Variants in MCPH1 observed in about 807,000 individuals in gnomAD.
The protein encoded by MCPH1 is microcephalin 1.
Under a neutral mutation model 84.5 loss-of-function variants are expected in MCPH1, and 104 were observed. The observed-to-expected ratio is 1.23, with a 90% CI of 1.05 to 1.45. MCPH1 has a LOEUF of 1.45. Among genes scored for constraint, MCPH1 ranks in the 40% most tolerant of loss-of-function variants. The pLI is 0.00. For missense variants in MCPH1, 1,498 were observed against 1,005.7 expected (o/e 1.49, Z -6.62); for synonymous variants, 514 against 366.8 (o/e 1.40, Z -4.58).
chr8:6,428,915 TC>T (rs57793247), intron 3 of MCPH1, among the ~76,000 whole-genome samples: 109,452 of 152,186 alleles, frequency 0.72, 41,621 homozygotes, highest in Non-Finnish European at 0.83. Context: ...CCTCCATATT[TC>T]TAAATACTGT....
At chr8:6,549,320 C>G (rs74937299) in intron 12 of MCPH1, among the ~76,000 whole-genome samples, 6,392 of 152,312 alleles carry the variant, frequency 0.042, 192 homozygotes, top group East Asian at 0.092. Flanking sequence ...ATGGATCCAT[C>G]ACAGAAATAA....
At chr8:6,598,903 C>T (rs902680942) in intron 12 of MCPH1, among the ~76,000 whole-genome samples, 1 of 152,276 alleles carries the variant, frequency 6.6e-6, no homozygotes, top group African/African-American at 2.4e-5. Flanking sequence ...CATCTCAGCT[C>T]AGCGTGAAAA....
chr8:6,574,452 T>C (rs1269792184), intron 12 of MCPH1, among the ~76,000 whole-genome samples: 1 of 152,220 alleles, frequency 6.6e-6, no homozygotes, highest in Non-Finnish European at 1.5e-5. Context: ...GTGACGCTAC[T>C]TCCAAATAAG....
intron 12 of MCPH1, among the ~76,000 whole-genome samples, chr8:6,506,102 G>C (rs17077194): frequency 0.43 from 60,676 of 140,670 alleles, 14,409 homozygotes; most frequent in Middle Eastern, 0.52. Context: ...TTCCTACATT[G>C]TTTCTTGGTG....
Position 6,532,368 on chromosome 8 carries a change from C to A in MCPH1, c.2214+32439C>A, listed in dbSNP as rs6559167. ...CATCAGTTAACTTCCGCGTTTGCTC[C>A]GCTGTTTGGTTCAACAGGTTTGTCC... is the stretch of plus-strand genomic sequence containing the variant. On this transcript the variant is annotated intron_variant, in intron 12 of 13. Coordinates refer to ENST00000344683, the MANE Select transcript of MCPH1 (RefSeq NM_024596.5). The A allele has an allele frequency of 0.31, 498,181 of 1,613,718 alleles. 78,299 individuals carry two copies. The highest frequency in any genetic ancestry group is 0.42 in the East Asian group (18,669 of 44,846).
intron 8 of MCPH1, 159 bp downstream of exon 8, chr8:6,445,706 T>C: frequency 7.0e-7 from 1 of 1,420,344 alleles, no homozygotes; most frequent in Non-Finnish European, 9.1e-7. Context: ...ATAAACTCTT[T>C]AGGAATAGAT....
chr8:6,623,013 C>CTTTTTTTTTTTTT (rs1164226735), intron 13 of MCPH1, among the ~76,000 whole-genome samples: 1 of 109,896 alleles, frequency 9.1e-6, no homozygotes, highest in Non-Finnish European at 1.8e-5. Context: ...GCTTTACTTT[C>CTTTTTTTTTTTTT]TTTTTTTTTT....
chr8:6,419,122 TACACATACACAC>T (rs1175524314), intron 3 of MCPH1, among the ~76,000 whole-genome samples: 1 of 131,574 alleles, frequency 7.6e-6, no homozygotes, highest in East Asian at 2.4e-4. Context: ...TATATTTATA[TACACATACACAC>T]ACACACACAC....
intron 12 of MCPH1, among the ~76,000 whole-genome samples, chr8:6,609,912 ACCT>A (rs1563184633): frequency 6.9e-6 from 1 of 145,506 alleles, no homozygotes; most frequent in African/African-American, 2.5e-5. Flanking sequence ...CTCTGCCATC[ACCT>A]CCTTTTTTGT....
chr8:6,459,368 C>T (rs537147665), intron 9 of MCPH1, among the ~76,000 whole-genome samples: 2 of 152,216 alleles, frequency 1.3e-5, no homozygotes, highest in South Asian at 4.2e-4. Flanking sequence ...CTCTGCCTCC[C>T]GGGTTCAAGC....
At chr8:6,522,011 G>C (rs769286502) in intron 12 of MCPH1, among the ~76,000 whole-genome samples, 8 of 152,156 alleles carry the variant, frequency 5.3e-5, no homozygotes, top group Non-Finnish European at 1.2e-4. Flanking sequence ...TGTTAATTAG[G>C]ATACTATCAC....
rs1444353850 is a variant in MCPH1, at chr8:6,424,700, T to G, written c.234-6799T>G. ...GTGTAGCCATTTAGGACTGGGCAAA[T>G]TACTCAACTGCTGGGCTCTAGGTTC... On this transcript the variant is annotated intron_variant, in intron 3 of 13. Coordinates refer to ENST00000344683, the MANE Select transcript of MCPH1 (RefSeq NM_024596.5). Among the ~76,000 whole-genome samples, 5 of 152,324 alleles carry G rather than the reference T, an allele frequency of 3.3e-5. No individual in the cohort carries two copies. In the East Asian group the frequency reaches 9.7e-4, roughly 29 times the overall value.
At chr8:6,615,644 C>T (rs1830714265) in intron 12 of MCPH1, 2 of 152,186 alleles carry the variant, frequency 1.3e-5, no homozygotes, top group Admixed American at 6.5e-5. Context: ...AATGTGTGTA[C>T]ACAGTACAGT....
At chr8:6,554,306 G>C (rs1475678782) in intron 12 of MCPH1, among the ~76,000 whole-genome samples, 1 of 141,914 alleles carries the variant, frequency 7.0e-6, no homozygotes. Flanking sequence ...TTTAAAAAGA[G>C]AGAAAAAAAA....
chr8:6,557,659 T>C (rs75410505), intron 12 of MCPH1, among the ~76,000 whole-genome samples: 1 of 150,180 alleles, frequency 6.7e-6, no homozygotes, highest in African/African-American at 2.4e-5. Flanking sequence ...TATATATTTT[T>C]TATATTTAAT....
At chr8:6,580,916 G>C (rs1827519068) in intron 12 of MCPH1, among the ~76,000 whole-genome samples, 2 of 152,228 alleles carry the variant, frequency 1.3e-5, no homozygotes, top group African/African-American at 2.4e-5. Context: ...CGCAGGTTCT[G>C]CATCTGTAGG....
At chr8:6,521,162 T>C (rs1817260233) in intron 12 of MCPH1, 1 of 1,600,948 alleles carries the variant, frequency 6.2e-7, no homozygotes, top group East Asian at 2.2e-5. Flanking sequence ...GAAGAAAGCA[T>C]GATATGTAAA....
rs1251987799 is a variant in MCPH1 at position 6,643,235 on chromosome 8, T to A, written c.*186T>A. 1 of 649,148 alleles carries A rather than the reference T, an allele frequency of 1.5e-6. No individual in the cohort carries two copies. Among genetic ancestry groups the A allele is most frequent in the African/African-American group, 1.8e-5 (1 of 54,814 alleles). The allele number at this position is 649,148 out of a possible 1,614,324, so 40.2% of individuals were successfully genotyped here. Reference sequence around the variant, plus strand: ...ACTTTCTGATGACTGAATGTCTGTTTCAGAGACGCTTCGGGCCTTTTTATT... The same window carrying A: ...ACTTTCTGATGACTGAATGTCTGTTACAGAGACGCTTCGGGCCTTTTTATT... On this transcript the variant is annotated 3_prime_UTR_variant, in exon 14 of 14. Coordinates refer to ENST00000344683, the MANE Select transcript of MCPH1 (RefSeq NM_024596.5).
intron 9 of MCPH1, among the ~76,000 whole-genome samples, chr8:6,473,595 G>T (rs2440394): frequency 0.99 from 150,275 of 152,266 alleles, 74,180 homozygotes; most frequent in East Asian, 1. Flanking sequence ...CCTCCCAAAG[G>T]GCTGGGATTA....
Sources: gnomAD v4.1 joint callset for allele counts (sites outside exome capture counted in the v4.1 genomes callset) on GRCh38, gnomAD v4.1.1 for gene constraint, MANE v1.5 for transcripts, NCBI Gene and HGNC (gene_info 2026-07-23, HGNC 2026-07-21) for gene names.